The following NXPE2 variants were observed in gnomAD, a reference collection of about 807,000 sequenced individuals.
The protein encoded by NXPE2 is NXPE family member 2.
Under a neutral mutation model 34.4 loss-of-function variants are expected in NXPE2, and 34 were observed. The observed-to-expected ratio is 0.99, with a 90% CI of 0.75 to 1.31. NXPE2 has a LOEUF of 1.31. Among genes scored for constraint, NXPE2 ranks in the 40% most tolerant of loss-of-function variants. The pLI, the probability that NXPE2 is intolerant of heterozygous loss-of-function variation, is 0.00. For missense variants in NXPE2, 649 were observed against 672.5 expected, an observed-to-expected ratio of 0.97 and a Z score of 0.39; for synonymous variants, 235 against 231.3, an observed-to-expected ratio of 1.02 and a Z score of -0.15.
chr11:114,522,197 T>C, the NXPE2 span: 1 of 1,614,104 alleles, frequency 6.2e-7, no homozygotes, highest in Non-Finnish European at 8.5e-7. Flanking sequence ...AATAATCACT[T>C]TAGTGGCTGG....
At chr11:114,558,181 C>T in the NXPE2 span, among the ~76,000 whole-genome samples, 3 of 152,132 alleles carry the variant, frequency 2.0e-5, no homozygotes, top group East Asian at 5.8e-4. Flanking sequence ...ATAAACTATA[C>T]ACACATCTAT....
At chr11:114,634,462 G>A in the NXPE2 span, among the ~76,000 whole-genome samples, 48 of 152,042 alleles carry the variant, frequency 3.2e-4, no homozygotes, top group African/African-American at 1.1e-3. Flanking sequence ...CAGCTCTTTA[G>A]TTTAGTTAGA....
At chr11:114,657,249 TTC>T in the NXPE2 span, among the ~76,000 whole-genome samples, 5 of 152,200 alleles carry the variant, frequency 3.3e-5, no homozygotes, top group Admixed American at 2.6e-4. Flanking sequence ...CAGTTGATGG[TTC>T]TCTGTTTTTA....
the NXPE2 span, among the ~76,000 whole-genome samples, chr11:114,774,893 C>T: frequency 2.9e-3 from 447 of 152,300 alleles, 5 homozygotes; most frequent in East Asian, 0.055. Context: ...GGACTGTGCG[C>T]TGGTACCTAT....
At chr11:114,498,524 A>G in the NXPE2 span, among the ~76,000 whole-genome samples, 2 of 152,108 alleles carry the variant, frequency 1.3e-5, no homozygotes, top group Non-Finnish European at 1.5e-5. Context: ...AGAAAAATGC[A>G]AAAGAGTAAT....
chr11:114,709,816 C>A (rs185144894), downstream of NXPE2, among the ~76,000 whole-genome samples: 4 of 151,884 alleles, frequency 2.6e-5, no homozygotes, highest in East Asian at 5.8e-4. Context: ...GCAGGAGAAT[C>A]GCTTGAACCC....
the NXPE2 span, among the ~76,000 whole-genome samples, chr11:114,512,478 T>C: frequency 6.6e-6 from 1 of 151,658 alleles, no homozygotes; most frequent in African/African-American, 2.4e-5. Flanking sequence ...AAGGGTGGAG[T>C]TGAAGGACAC....
At chr11:114,807,404 A>T in the NXPE2 span, among the ~76,000 whole-genome samples, 1 of 152,238 alleles carries the variant, frequency 6.6e-6, no homozygotes, top group Non-Finnish European at 1.5e-5. Context: ...GGCAAATTGG[A>T]TAAAGAGTCA....
the NXPE2 span, among the ~76,000 whole-genome samples, chr11:114,669,075 A>C: frequency 6.6e-6 from 1 of 152,048 alleles, no homozygotes; most frequent in Non-Finnish European, 1.5e-5. Flanking sequence ...GAAAATTCCT[A>C]TGCTCTGGAA....
the NXPE2 span, among the ~76,000 whole-genome samples, chr11:114,812,437 G>A: frequency 7.9e-5 from 12 of 152,208 alleles, no homozygotes; most frequent in Non-Finnish European, 1.8e-4. Context: ...AAAGGGGCAA[G>A]CTCAGTTTTA....
the NXPE2 span, among the ~76,000 whole-genome samples, chr11:114,755,200 A>C: frequency 2.6e-5 from 4 of 152,224 alleles, no homozygotes; most frequent in South Asian, 8.3e-4. Flanking sequence ...TAGAATTAAC[A>C]GCATGTTAGT....
the NXPE2 span, among the ~76,000 whole-genome samples, chr11:114,639,504 A>C: frequency 6.6e-6 from 1 of 151,342 alleles, no homozygotes; most frequent in East Asian, 1.9e-4. Context: ...GGCACTCCCT[A>C]GTGAGATGAA....
the NXPE2 span, among the ~76,000 whole-genome samples, chr11:114,734,874 C>T: frequency 7.6e-4 from 116 of 152,148 alleles, no homozygotes; most frequent in African/African-American, 2.6e-3. Flanking sequence ...TTTGGGAGGC[C>T]GAGGCGGGCG....
upstream of NXPE2, among the ~76,000 whole-genome samples, chr11:114,676,389 A>G (rs1292458202): frequency 1.3e-5 from 2 of 149,160 alleles, no homozygotes; most frequent in Non-Finnish European, 3.0e-5. Flanking sequence ...ATTAAATATA[A>G]AAGAACTCAA....
At chr11:114,497,526 A>G in the NXPE2 span, among the ~76,000 whole-genome samples, 3 of 152,200 alleles carry the variant, frequency 2.0e-5, no homozygotes, top group African/African-American at 7.2e-5. Flanking sequence ...ATACACAAAT[A>G]TTTATCATTG....
the NXPE2 span, among the ~76,000 whole-genome samples, chr11:114,648,071 A>T: frequency 6.6e-6 from 1 of 152,092 alleles, no homozygotes; most frequent in Non-Finnish European, 1.5e-5. Flanking sequence ...ACATATATTG[A>T]GTCTTTGCCC....
the NXPE2 span, among the ~76,000 whole-genome samples, chr11:114,806,120 C>T: frequency 6.6e-6 from 1 of 152,320 alleles, no homozygotes; most frequent in Non-Finnish European, 1.5e-5. Flanking sequence ...TCCAACAGAC[C>T]TGCAGCTGAG....
the NXPE2 span, among the ~76,000 whole-genome samples, chr11:114,722,970 A>C: frequency 6.6e-6 from 1 of 152,324 alleles, no homozygotes; most frequent in South Asian, 2.1e-4. Flanking sequence ...AAATGTTGAG[A>C]AAAAAGGAAC....
the NXPE2 span, among the ~76,000 whole-genome samples, chr11:114,599,391 C>G: frequency 4.3e-3 from 653 of 152,272 alleles, 8 homozygotes; most frequent in Non-Finnish European, 6.0e-3. Context: ...CTCTTATATT[C>G]TTGTCTTCTT....
Sources: allele counts gnomAD v4.1 joint callset (sites outside exome capture counted in the v4.1 genomes callset), GRCh38; gene constraint gnomAD v4.1.1; transcripts MANE v1.5; gene names NCBI Gene and HGNC (gene_info 2026-07-23, HGNC 2026-07-21).